The following DNAJC5B variants were observed in gnomAD, a reference collection of about 807,000 sequenced individuals.
The protein encoded by DNAJC5B is dnaJ homolog subfamily C member 5B.
Under a neutral mutation model 24.7 loss-of-function variants are expected in DNAJC5B, and 23 were observed. The ratio of observed to expected loss-of-function variants is 0.93; its 90% CI spans 0.67 to 1.32. DNAJC5B has a LOEUF of 1.32. Ranked by LOEUF, DNAJC5B falls within the 40% of genes most tolerant of loss-of-function variation. DNAJC5B has a pLI of 0.00. For synonymous variants in DNAJC5B, 101 were observed against 90.1 expected, an observed-to-expected ratio of 1.12 and a Z score of -0.68; for missense variants, 238 against 240.8, an observed-to-expected ratio of 0.99 and a Z score of 0.08.
chr8:66,090,276 T>C (rs1035208809), intron 5 of DNAJC5B, among the ~76,000 whole-genome samples: 6 of 151,520 alleles, frequency 4.0e-5, no homozygotes, highest in Non-Finnish European at 8.8e-5. Flanking sequence ...TGTGTGTGTG[T>C]GTGTGGTAGA....
At chr8:66,093,285 T>G (rs1807885072) in intron 5 of DNAJC5B, among the ~76,000 whole-genome samples, 1 of 152,176 alleles carries the variant, frequency 6.6e-6, no homozygotes, top group Non-Finnish European at 1.5e-5. Flanking sequence ...TCAAAGGATA[T>G]GCACTTGTAC....
At chr8:66,087,058 A>T (rs1807742422) in intron 5 of DNAJC5B, among the ~76,000 whole-genome samples, 1 of 152,198 alleles carries the variant, frequency 6.6e-6, no homozygotes, top group Non-Finnish European at 1.5e-5. Context: ...GTCTGTTTTC[A>T]CACTGTTATA....
intron 1 of DNAJC5B, among the ~76,000 whole-genome samples, chr8:66,034,498 G>A (rs1393235425): frequency 6.6e-6 from 1 of 151,984 alleles, no homozygotes; most frequent in Non-Finnish European, 1.5e-5. Flanking sequence ...AAGGGACCCA[G>A]CAGATAGGCT....
intron 3 of DNAJC5B, among the ~76,000 whole-genome samples, chr8:66,073,096 T>C (rs1403417657): frequency 1.3e-5 from 2 of 152,200 alleles, no homozygotes; most frequent in East Asian, 1.9e-4. Context: ...AATCCAATTA[T>C]CACTTGAGCT....
intron 5 of DNAJC5B, 63 bp from the exon 6 acceptor site, chr8:66,099,870 CACTT>C (rs1334407207): frequency 7.2e-7 from 1 of 1,392,712 alleles, no homozygotes; most frequent in Non-Finnish European, 1.0e-6. Flanking sequence ...AAATACCTAT[CACTT>C]GCTTCATTAA....
At chr8:66,031,935 C>T (rs1236668751) in intron 1 of DNAJC5B, among the ~76,000 whole-genome samples, 1 of 152,250 alleles carries the variant, frequency 6.6e-6, no homozygotes, top group Non-Finnish European at 1.5e-5. Context: ...TAAAATTAAT[C>T]ATTGCACCTA....
intron 2 of DNAJC5B, among the ~76,000 whole-genome samples, chr8:66,046,466 G>T (rs1376832517): frequency 6.6e-6 from 1 of 152,212 alleles, no homozygotes; most frequent in Non-Finnish European, 1.5e-5. Flanking sequence ...GATTAGATGA[G>T]ATACTAGTTG....
intron 5 of DNAJC5B, among the ~76,000 whole-genome samples, chr8:66,093,381 C>A (rs1470209210): frequency 6.6e-6 from 1 of 152,020 alleles, no homozygotes; most frequent in Non-Finnish European, 1.5e-5. Context: ...TTCCTGTTGC[C>A]CCACACCCTT....
rs117826979 is a variant in DNAJC5B at position 66,049,891 on chromosome 8, G to T, written c.-17-1640G>T. Among the ~76,000 whole-genome samples, 20 of 152,290 alleles carry T rather than the reference G, an allele frequency of 1.3e-4. 1 individual carries two copies. The East Asian group carries it at 3.7e-3, about 28-fold the overall frequency. On this transcript the variant is annotated intron_variant, in intron 2 of 5. Coordinates refer to ENST00000276570, the MANE Select transcript of DNAJC5B (RefSeq NM_033105.6). ...CTATCTGTTGATTTATGGGAGTCAT[G>T]ACATCTCTTTTATTTTATGACATAG...
intron 1 of DNAJC5B, among the ~76,000 whole-genome samples, chr8:66,032,209 C>T (rs1173819289): frequency 6.6e-6 from 1 of 152,250 alleles, no homozygotes; most frequent in Non-Finnish European, 1.5e-5. Context: ...CCTCCCAGCA[C>T]TGGTGCTGTG....
intron 1 of DNAJC5B, among the ~76,000 whole-genome samples, chr8:66,039,825 T>C (rs1333025009): frequency 6.6e-6 from 1 of 152,222 alleles, no homozygotes; most frequent in Non-Finnish European, 1.5e-5. Context: ...CATCCACTGA[T>C]GCATTTTAAA....
At chr8:66,042,600 TTC>T (rs1806634681) in intron 1 of DNAJC5B, among the ~76,000 whole-genome samples, 2 of 57,022 alleles carry the variant, frequency 3.5e-5, no homozygotes, top group African/African-American at 2.4e-4. Context: ...CTTCTTCCTC[TTC>T]TTCTTCTTCT....
intron 3 of DNAJC5B, among the ~76,000 whole-genome samples, chr8:66,054,392 C>T (rs1451773038): frequency 6.6e-6 from 1 of 152,194 alleles, no homozygotes; most frequent in Non-Finnish European, 1.5e-5. Context: ...CTTCTTCTAG[C>T]ACATTTATGA....
At chr8:66,064,562 GA>G (rs1807149350) in intron 3 of DNAJC5B, among the ~76,000 whole-genome samples, 1 of 152,166 alleles carries the variant, frequency 6.6e-6, no homozygotes, top group African/African-American at 2.4e-5. Flanking sequence ...CTGGCCTGAA[GA>G]AAAACCACAA....
chr8:66,066,279 T>G (rs1420857443), intron 3 of DNAJC5B, among the ~76,000 whole-genome samples: 1 of 152,282 alleles, frequency 6.6e-6, no homozygotes, highest in South Asian at 2.1e-4. Context: ...ACATTACTGG[T>G]GGGAATGTAA....
At chr8:66,057,471 C>T (rs1806990716) in intron 3 of DNAJC5B, 1 of 152,060 alleles carries the variant, frequency 6.6e-6, no homozygotes, top group Admixed American at 6.5e-5. Context: ...GCATTGACAT[C>T]CTAGAAGGAG....
chr8:66,096,313 A>G (rs999748345), intron 5 of DNAJC5B, among the ~76,000 whole-genome samples: 21 of 152,154 alleles, frequency 1.4e-4, no homozygotes, highest in African/African-American at 4.3e-4. Flanking sequence ...TAAAGACCCT[A>G]TCTCCAAATA....
the DNAJC5B span, among the ~76,000 whole-genome samples, chr8:66,015,521 A>G: frequency 6.6e-6 from 1 of 150,734 alleles, no homozygotes; most frequent in Admixed American, 6.6e-5. Context: ...AAGACTTGAG[A>G]ATGTTTTTAT....
intron 1 of DNAJC5B, among the ~76,000 whole-genome samples, chr8:66,036,310 T>A (rs1806483274): frequency 6.6e-6 from 1 of 152,160 alleles, no homozygotes; most frequent in African/African-American, 2.4e-5. Flanking sequence ...GGGTCTTTTG[T>A]CTTGACCTAG....
Sources: allele counts gnomAD v4.1 joint callset (sites outside exome capture counted in the v4.1 genomes callset), GRCh38; gene constraint gnomAD v4.1.1; transcripts MANE v1.5; gene names NCBI Gene and HGNC (gene_info 2026-07-23, HGNC 2026-07-21).